The following UBR2 variants were observed in gnomAD, a reference collection of about 807,000 sequenced individuals.
The protein encoded by UBR2 is E3 ubiquitin-protein ligase UBR2.
Under a neutral mutation model 247.9 loss-of-function variants are expected in UBR2, and 92 were observed. That is an observed-to-expected ratio of 0.37 (90% CI 0.31 to 0.44). UBR2 has a LOEUF of 0.44. Ranked by LOEUF, UBR2 falls within the 20% of genes least tolerant of loss-of-function variation. The pLI is 1.00. For synonymous variants in UBR2, 672 were observed against 693.5 expected (o/e 0.97, Z 0.49); for missense variants, 1,613 against 2,112.6 (o/e 0.76, Z 4.64).
intron 22 of UBR2, among the ~76,000 whole-genome samples, chr6:42,649,209 T>C (rs1005013236): frequency 2.0e-5 from 3 of 152,192 alleles, no homozygotes; most frequent in Non-Finnish European, 4.4e-5. Context: ...GGTTTCACCA[T>C]GTTGACCAGG....
intron 14 of UBR2, among the ~76,000 whole-genome samples, chr6:42,636,345 A>G (rs755156988): frequency 1.3e-5 from 2 of 151,740 alleles, no homozygotes; most frequent in African/African-American, 4.8e-5. Flanking sequence ...CACCTGGCTA[A>G]TTTTTCTATT....
chr6:42,673,683 C>A, intron 36 of UBR2, 108 bp from the exon 37 acceptor site: 1 of 685,392 alleles, frequency 1.5e-6, no homozygotes, highest in Non-Finnish European at 2.6e-6. Flanking sequence ...TAGTTCCATA[C>A]CATCTAGAGC....
chr6:42,687,362 C>T (rs1799500116), intron 44 of UBR2, among the ~76,000 whole-genome samples: 1 of 152,152 alleles, frequency 6.6e-6, no homozygotes, highest in African/African-American at 2.4e-5. Context: ...CGCGCGCCTG[C>T]AATCCCAGGC....
At chr6:42,665,293 C>G (rs1582686550) in intron 32 of UBR2, 116 bp from the exon 33 acceptor site, 2 of 704,886 alleles carry the variant, frequency 2.8e-6, no homozygotes, top group Non-Finnish European at 4.4e-6. Context: ...TTCCCTTATC[C>G]TTTTTGTTTT....
chr6:42,658,437 A>G, intron 28 of UBR2, 117 bp downstream of exon 28: 1 of 1,146,442 alleles, frequency 8.7e-7, no homozygotes, highest in African/African-American at 1.6e-5. Context: ...TCCAAGAAAT[A>G]TGCCACTATT....
chr6:42,688,557 A>G (rs1799576519), intron 45 of UBR2, among the ~76,000 whole-genome samples, 171 bp downstream of exon 45: 1 of 151,966 alleles, frequency 6.6e-6, no homozygotes, highest in African/African-American at 2.4e-5. Context: ...GTCCATGCCA[A>G]CTCTGTGTTG....
In UBR2 at chr6:42,659,642, C is replaced by A; in HGVS notation, c.3243-14C>A. 1.2e-6 allele frequency: 2 copies of A among 1,607,882 alleles called. No individual in the cohort carries two copies. Among genetic ancestry groups the A allele is most frequent in the Non-Finnish European group, 8.5e-7 (1 of 1,176,388 alleles). Reference sequence around the variant, plus strand: ...TTGGGATCATTAATTATATTCATAACCTTTGTATTGCAGCCCTGTGGCTTC... The same window carrying A: ...TTGGGATCATTAATTATATTCATAAACTTTGTATTGCAGCCCTGTGGCTTC... On this transcript the variant is annotated splice_polypyrimidine_tract_variant and intron_variant, in intron 29 of 46. Coordinates refer to ENST00000372901, the MANE Select transcript of UBR2 (RefSeq NM_001363705.2). The surrounding 1 kb of genome is among the most constrained non-coding windows in gnomAD (Gnocchi z 4.3).
intron 25 of UBR2, among the ~76,000 whole-genome samples, chr6:42,654,417 A>G (rs1797312114): frequency 6.6e-6 from 1 of 152,154 alleles, no homozygotes; most frequent in African/African-American, 2.4e-5. Context: ...CATCACACAC[A>G]TATCTCCTTC....
At chr6:42,630,240 A>G (rs1168679698) in intron 11 of UBR2, among the ~76,000 whole-genome samples, 1 of 150,818 alleles carries the variant, frequency 6.6e-6, no homozygotes, top group Non-Finnish European at 1.5e-5. Flanking sequence ...GCTGGAGTGC[A>G]ATGGCATGAT....
chr6:42,586,710 T>G (rs1191545772), intron 2 of UBR2, among the ~76,000 whole-genome samples: 1 of 152,034 alleles, frequency 6.6e-6, no homozygotes, highest in Admixed American at 6.6e-5. Flanking sequence ...CATCTTTAAT[T>G]TATCAAAGTC....
intron 2 of UBR2, among the ~76,000 whole-genome samples, chr6:42,582,756 T>G (rs1489932645): frequency 6.6e-6 from 1 of 152,200 alleles, no homozygotes; most frequent in African/African-American, 2.4e-5. Flanking sequence ...AATTTAAGTT[T>G]AATGCATCAT....
intron 1 of UBR2, among the ~76,000 whole-genome samples, chr6:42,567,391 T>C (rs7751587): frequency 0.46 from 70,225 of 152,036 alleles, 16,489 homozygotes; most frequent in African/African-American, 0.56. Context: ...GTTTACTTTC[T>C]ATACTACATA....
chr6:42,584,563 A>C (rs1792133217), intron 2 of UBR2, among the ~76,000 whole-genome samples: 1 of 152,190 alleles, frequency 6.6e-6, no homozygotes. Flanking sequence ...AAGACTACCA[A>C]GATTAAGATT....
intron 4 of UBR2, among the ~76,000 whole-genome samples, chr6:42,602,645 A>G (rs974865684): frequency 6.7e-6 from 1 of 148,816 alleles, no homozygotes; most frequent in East Asian, 1.9e-4. Context: ...ATTTACATTA[A>G]TATATACAAA....
At chr6:42,639,383 AG>A (rs1796287688) in intron 15 of UBR2, among the ~76,000 whole-genome samples, 1 of 152,214 alleles carries the variant, frequency 6.6e-6, no homozygotes, top group South Asian at 2.1e-4. Context: ...ACCTGAGGTC[AG>A]GAGTTCGAGA....
Position 42,640,386 on chromosome 6 carries a change from GT to G in UBR2, c.1920+117del, listed in dbSNP as rs1796356528. ...TCCAGAGGAACAGAACCAGTAAGGTGTGTGTGTGTGTGTGTGTGTGTGTGTG... is the reference window on the plus strand; with the variant it reads ...TCCAGAGGAACAGAACCAGTAAGGTGGTGTGTGTGTGTGTGTGTGTGTGTG... On this transcript the variant is annotated intron_variant, in intron 16 of 46. Coordinates refer to ENST00000372901, the MANE Select transcript of UBR2 (RefSeq NM_001363705.2). 1.1e-3 allele frequency: 514 copies of G among 461,308 alleles called. 22 individuals are homozygous for G. The highest frequency in any genetic ancestry group is 6.8e-3 in the African/African-American group (303 of 44,288). The allele number at this position is 461,308 out of a possible 1,614,324, so 28.6% of individuals were successfully genotyped here.
At chr6:42,680,439 GT>G (rs1386859966) in intron 42 of UBR2, among the ~76,000 whole-genome samples, 1 of 152,058 alleles carries the variant, frequency 6.6e-6, no homozygotes, top group African/African-American at 2.4e-5. Context: ...TCTTCCATAG[GT>G]TTTTTCTTGT....
intron 7 of UBR2, among the ~76,000 whole-genome samples, chr6:42,607,314 C>T (rs1793766063): frequency 6.6e-6 from 1 of 151,086 alleles, no homozygotes; most frequent in African/African-American, 2.4e-5. Context: ...ATTACAAGTG[C>T]ACACAGCCAC....
intron 4 of UBR2, among the ~76,000 whole-genome samples, chr6:42,599,244 A>G (rs955552740): frequency 1.3e-5 from 2 of 152,180 alleles, no homozygotes; most frequent in Non-Finnish European, 2.9e-5. Flanking sequence ...AATGCTGACT[A>G]TTTGGTCTAT....
Sources: gnomAD v4.1 joint callset for allele counts (sites outside exome capture counted in the v4.1 genomes callset) on GRCh38, gnomAD v4.1.1 for gene constraint, Gnocchi (gnomAD v3.1) non-coding constraint, MANE v1.5 for transcripts, NCBI Gene and HGNC (gene_info 2026-07-23, HGNC 2026-07-21) for gene names.